LDB2: variants seen among roughly 807,000 people sequenced by gnomAD.
LDB2 encodes LIM domain binding 2.
Under a neutral mutation model 44.3 loss-of-function variants are expected in LDB2, and 12 were observed. The ratio of observed to expected loss-of-function variants is 0.27; its 90% CI spans 0.17 to 0.44. The LOEUF (loss-of-function observed/expected upper bound fraction) is 0.44. LDB2 is among the 20% of genes least tolerant of loss of function. LDB2 has a pLI of 1.00. For synonymous variants in LDB2, 164 were observed against 174.8 expected, an observed-to-expected ratio of 0.94 and a Z score of 0.49; for missense variants, 344 against 473.5, an observed-to-expected ratio of 0.73 and a Z score of 2.54.
intron 2 of LDB2, among the ~76,000 whole-genome samples, chr4:16,663,344 C>T (rs1262894844): frequency 6.6e-6 from 1 of 152,168 alleles, no homozygotes; most frequent in Admixed American, 6.5e-5. Context: ...AATTCTCCCA[C>T]CATGGCTAAT....
intron 2 of LDB2, among the ~76,000 whole-genome samples, chr4:16,732,455 G>A (rs976817131): frequency 4.6e-5 from 7 of 152,148 alleles, no homozygotes; most frequent in Non-Finnish European, 1.0e-4. Context: ...GCTATATAAT[G>A]TATGATTATT....
At chr4:16,697,371 C>T (rs553098228) in intron 2 of LDB2, among the ~76,000 whole-genome samples, 87 of 151,284 alleles carry the variant, frequency 5.8e-4, no homozygotes, top group African/African-American at 1.6e-3. Context: ...AGGAGAATGG[C>T]GTGAATCTGG....
chr4:16,538,268 G>C (rs919153273), intron 5 of LDB2, among the ~76,000 whole-genome samples: 4 of 152,188 alleles, frequency 2.6e-5, no homozygotes, highest in Admixed American at 2.6e-4. Context: ...TAAGAATCAA[G>C]ACTGACTTTG....
Position 16,523,037 on chromosome 4 carries a change from G to T in LDB2, c.616-10933C>A, listed in dbSNP as rs147377106. ...CAGTGGCCCAGAATTACTCTAAATG[G>T]CCTCAGACATTGACTGTCTATTGTC... On this transcript the variant is annotated intron_variant, in intron 5 of 7. Transcript: ENST00000304523. Among the ~76,000 whole-genome samples, 800 of 152,296 alleles carry T rather than the reference G, an allele frequency of 5.3e-3. 12 individuals are homozygous for T. Among genetic ancestry groups the T allele is most frequent in the African/African-American group, 0.018 (769 of 41,568 alleles).
intron 1 of LDB2, among the ~76,000 whole-genome samples, chr4:16,897,914 A>ATACACACATATG (rs1725627387): frequency 6.2e-5 from 1 of 16,122 alleles, no homozygotes; most frequent in African/African-American, 4.7e-4. Flanking sequence ...ATATATATAT[A>ATACACACATATG]TATATATATA....
chr4:16,662,495 T>C (rs1391847308), intron 2 of LDB2, among the ~76,000 whole-genome samples: 5 of 152,110 alleles, frequency 3.3e-5, no homozygotes, highest in Non-Finnish European at 7.4e-5. Flanking sequence ...TAACAAACAG[T>C]GAGGAAGATT....
rs186398537 is a variant in LDB2, at chr4:16,816,190, G to C, written c.133-56930C>G. On this transcript the variant is annotated intron_variant, in intron 1 of 7. Transcript: ENST00000304523. The stretch of plus-strand genomic sequence containing the variant: ...ATGGCACTCCAGCCTGGGTGACAGA[G>C]CAAGACTCTGTCTCCAAAAGATAAA... Among the ~76,000 whole-genome samples, 115 of 152,160 alleles carry C rather than the reference G, an allele frequency of 7.6e-4. 1 individual carries two copies. The highest frequency in any genetic ancestry group is 6.8e-3 in the Middle Eastern group (2 of 294).
chr4:16,741,208 T>C (rs1763172126), intron 2 of LDB2, among the ~76,000 whole-genome samples: 2 of 152,228 alleles, frequency 1.3e-5, no homozygotes, highest in South Asian at 2.1e-4. Context: ...TTGAAAGATC[T>C]TCCTTTTAAA....
chr4:16,670,718 C>T (rs1180208839), intron 2 of LDB2, among the ~76,000 whole-genome samples: 1 of 152,140 alleles, frequency 6.6e-6, no homozygotes, highest in Admixed American at 6.5e-5. Context: ...GCTTTAATAT[C>T]CTCATCTATA....
chr4:16,514,354 T>C (rs1167449877), intron 5 of LDB2, among the ~76,000 whole-genome samples: 2 of 152,226 alleles, frequency 1.3e-5, no homozygotes, highest in African/African-American at 4.8e-5. Context: ...CACATAATTC[T>C]GACAAACACG....
At chr4:16,852,710 C>T (rs1325081357) in intron 1 of LDB2, among the ~76,000 whole-genome samples, 1 of 151,588 alleles carries the variant, frequency 6.6e-6, no homozygotes, top group Non-Finnish European at 1.5e-5. Context: ...GTTTTAAATC[C>T]CTTAAATTAT....
At chr4:16,776,103 T>C (rs1771838527) in intron 1 of LDB2, among the ~76,000 whole-genome samples, 1 of 152,228 alleles carries the variant, frequency 6.6e-6, no homozygotes, top group Non-Finnish European at 1.5e-5. Context: ...TCCATCTCCC[T>C]GGGAGTCAGG....
At chr4:16,716,169 G>A (rs1757034145) in intron 2 of LDB2, among the ~76,000 whole-genome samples, 1 of 152,180 alleles carries the variant, frequency 6.6e-6, no homozygotes, top group Non-Finnish European at 1.5e-5. Context: ...AAACCCTTCT[G>A]ATGTACAGCA....
intron 5 of LDB2, among the ~76,000 whole-genome samples, chr4:16,576,034 T>C (rs1024634753): frequency 6.6e-6 from 1 of 152,150 alleles, no homozygotes; most frequent in Non-Finnish European, 1.5e-5. Flanking sequence ...GCCAGAAACA[T>C]CTTTTAAAAC....
intron 2 of LDB2, among the ~76,000 whole-genome samples, chr4:16,690,574 A>C (rs1750508442): frequency 6.8e-6 from 1 of 147,700 alleles, no homozygotes; most frequent in Admixed American, 6.8e-5. Context: ...GAAGGAAAGG[A>C]AGACAGGAAA....
intron 1 of LDB2, among the ~76,000 whole-genome samples, chr4:16,811,115 C>T (rs905385146): frequency 5.3e-5 from 8 of 152,218 alleles, no homozygotes; most frequent in African/African-American, 1.9e-4. Flanking sequence ...AGTCTATGGC[C>T]CGGGGGTTAA....
intron 7 of LDB2, 60 bp from the exon 8 acceptor site, chr4:16,502,933 A>C: frequency 6.2e-7 from 1 of 1,606,350 alleles, no homozygotes. Context: ...CTCAGCTTAA[A>C]ATAACAGTGG....
chr4:16,796,493 T>C (rs772012631), intron 1 of LDB2, among the ~76,000 whole-genome samples: 15 of 152,150 alleles, frequency 9.9e-5, no homozygotes, highest in Non-Finnish European at 1.8e-4. Context: ...CTGATATACA[T>C]ACATGGTTGA....
intron 1 of LDB2, among the ~76,000 whole-genome samples, chr4:16,797,197 G>T (rs1392800703): frequency 6.6e-6 from 1 of 152,090 alleles, no homozygotes; most frequent in Non-Finnish European, 1.5e-5. Context: ...CCTGTATGAG[G>T]GCTTTTCATC....
Sources: allele counts gnomAD v4.1 joint callset (sites outside exome capture counted in the v4.1 genomes callset), GRCh38; gene constraint gnomAD v4.1.1; transcripts MANE v1.5; gene names NCBI Gene and HGNC (gene_info 2026-07-23, HGNC 2026-07-21).